Variants in PCDHGC3 observed in about 807,000 individuals in gnomAD.
The protein encoded by PCDHGC3 is protocadherin gamma-C3.
Under a neutral mutation model 59.2 loss-of-function variants are expected in PCDHGC3, and 26 were observed. That is an observed-to-expected ratio of 0.44 (90% CI 0.32 to 0.61). The LOEUF is 0.61. PCDHGC3 is among the 20% of genes least tolerant of loss of function. The pLI is 0.05. For synonymous variants in PCDHGC3, 487 were observed against 519.7 expected (o/e 0.94, Z 0.86); for missense variants, 1,080 against 1,221.8 (o/e 0.88, Z 1.73).
Position 141,485,119 on chromosome 5 carries a change from C to A in PCDHGC3, c.2430+6573C>A. 3.0e-6 allele frequency: 4 copies of A among 1,328,812 alleles called. No homozygotes were observed. Among genetic ancestry groups the A allele is most frequent in the Non-Finnish European group, 4.3e-6 (4 of 935,940 alleles). The allele number at this position is 1,328,812 out of a possible 1,614,324, so 82.3% of individuals were successfully genotyped here. ...CTCCAGCTGCTGTGGCTGTTTGGGG[C>A]GGGTCGGCTTCATCCGCGTCTCAGG... On this transcript the variant is annotated intron_variant, in intron 1 of 3. Transcript: ENST00000308177. This position sits in a 1 kb window ranked among gnomAD's most constrained non-coding sequence, Gnocchi z 5.7.
intron 1 of PCDHGC3, among the ~76,000 whole-genome samples, chr5:141,479,846 C>A (rs1350909064): frequency 1.3e-5 from 2 of 152,194 alleles, no homozygotes; most frequent in Admixed American, 6.5e-5. Context: ...TGCAAGGTGA[C>A]TGCAAGGCCT....
chr5:141,481,026 C>T (rs1315533254), intron 1 of PCDHGC3, among the ~76,000 whole-genome samples: 1 of 152,100 alleles, frequency 6.6e-6, no homozygotes, highest in African/African-American at 2.4e-5. Flanking sequence ...CCACTGCACT[C>T]CAGCCTGGGC....
intron 3 of PCDHGC3, among the ~76,000 whole-genome samples, chr5:141,506,363 C>T (rs1013247178): frequency 4.0e-5 from 6 of 150,792 alleles, no homozygotes; most frequent in South Asian, 4.2e-4. Context: ...GCAGGAGAAT[C>T]GCTTGAACCT....
At position 141,476,105 on chromosome 5, in the gene PCDHGC3, C is replaced by T; in HGVS notation, c.-12C>T. ...ATCTGGACCCCGCTGAGAGGAACTG[C>T]TTTTGAGTGAGATGGTCCCAGAGGC... On this transcript the variant is annotated 5_prime_UTR_variant, in exon 1 of 4. Coordinates refer to ENST00000308177, the MANE Select transcript of PCDHGC3 (RefSeq NM_002588.4). This position sits in a 1 kb window ranked among gnomAD's most constrained non-coding sequence, Gnocchi z 7.6. 2.5e-6 allele frequency: 4 copies of T among 1,585,450 alleles called. No homozygotes were observed. The highest frequency in any genetic ancestry group is 3.4e-6 in the Non-Finnish European group (4 of 1,168,874).
rs2099413746 is a variant in PCDHGC3, at chr5:141,477,589, G to A, written c.1473G>A (p.Arg491=). ...ACCCCGACGCCCCGCAGAATGCTCGGCTTTCTTTCTTTCTCTTGGAGCAAG... is the reference window on the plus strand; with the variant it reads ...ACCCCGACGCCCCGCAGAATGCTCGACTTTCTTTCTTTCTCTTGGAGCAAG... ...VWDPDAPQNA[R]LSFFLLEQGA... is the part of the protein sequence containing the mutation. Residue 491 remains arginine (R), a synonymous_variant, in exon 1 of 4, where the codon CGG becomes CGA. Transcript: ENST00000308177. The surrounding 1 kb of genome is among the most constrained non-coding windows in gnomAD (Gnocchi z 4.9). 1 of 1,614,012 alleles carries A rather than the reference G, an allele frequency of 6.2e-7. No individual in the cohort carries two copies. The highest frequency in any genetic ancestry group is 1.1e-5 in the South Asian group (1 of 91,090).
chr5:141,479,676 G>A (rs2099503035), intron 1 of PCDHGC3: 1 of 152,242 alleles, frequency 6.6e-6, no homozygotes, highest in African/African-American at 2.4e-5. Context: ...CAAAAGGAGA[G>A]TCTTTTTGGT....
chr5:141,508,045 T>A (rs985875804), intron 3 of PCDHGC3: 1 of 152,264 alleles, frequency 6.6e-6, no homozygotes, highest in Non-Finnish European at 1.5e-5. Flanking sequence ...GCCAGCTGTG[T>A]TCCAGCTAAT....
At position 141,487,051 on chromosome 5, in the gene PCDHGC3, G is replaced by A. The variant is rs1348441475; in HGVS notation, c.2431-7756G>A. The A allele has an allele frequency of 3.7e-6, 6 of 1,614,024 alleles. No individual in the cohort carries two copies. The highest frequency in any genetic ancestry group is 5.1e-6 in the Non-Finnish European group (6 of 1,180,024). On this transcript the variant is annotated intron_variant, in intron 1 of 3. Coordinates refer to ENST00000308177, the MANE Select transcript of PCDHGC3 (RefSeq NM_002588.4). This position sits in a 1 kb window ranked among gnomAD's most constrained non-coding sequence, Gnocchi z 5.0. ...TGTTTGCAGTCTCTCGATATGCTGG[G>A]GAGGTGCGGACGGCTGTTCCTATCC... is the stretch of plus-strand genomic sequence containing the variant.
chr5:141,485,444 G>A lies in PCDHGC3; in HGVS notation c.2430+6898G>A. 1 of 1,614,110 alleles carries A rather than the reference G, an allele frequency of 6.2e-7. No individual in the cohort carries two copies. Among genetic ancestry groups the A allele is most frequent in the Non-Finnish European group, 8.5e-7 (1 of 1,180,020 alleles). On this transcript the variant is annotated intron_variant, in intron 1 of 3. Coordinates refer to ENST00000308177, the MANE Select transcript of PCDHGC3 (RefSeq NM_002588.4). This position sits in a 1 kb window ranked among gnomAD's most constrained non-coding sequence, Gnocchi z 5.7. ...AGCCCTGCTCATCAAGAACCCAATC[G>A]ACCGAGAGGCACTGTGTGGGCTCAG...
At chr5:141,506,923 C>T (rs1414595306) in intron 3 of PCDHGC3, among the ~76,000 whole-genome samples, 4 of 152,184 alleles carry the variant, frequency 2.6e-5, no homozygotes, top group African/African-American at 9.7e-5. Context: ...ACATACTAAA[C>T]AAACTTTAGG....
At chr5:141,497,101 G>A (rs1465038195) in intron 2 of PCDHGC3, among the ~76,000 whole-genome samples, 1 of 152,042 alleles carries the variant, frequency 6.6e-6, no homozygotes, top group African/African-American at 2.4e-5. Flanking sequence ...AGGCAGAACT[G>A]CTTGAACCCG....
In PCDHGC3 at chr5:141,477,533, G is replaced by C. The variant is rs780541121; in HGVS notation, c.1417G>C (p.Gly473Arg). Residue 473 changes from glycine to arginine, a missense_variant, in exon 1 of 4, where the codon GGG becomes CGG. Transcript: ENST00000308177. This position sits in a 1 kb window ranked among gnomAD's most constrained non-coding sequence, Gnocchi z 4.9. ...TTACATTGAAGAAAACAACCTCCCC[G>C]GGGCTCCAATACTAAACCTAAGTGT... Reference protein sequence around the residue: ...DVYIEENNLPGAPILNLSVWD... With the variant: ...DVYIEENNLPRAPILNLSVWD... The C allele has an allele frequency of 6.2e-7, 1 of 1,613,892 alleles. No individual in the cohort carries two copies. The highest frequency in any genetic ancestry group is 1.3e-5 in the African/African-American group (1 of 74,852).
intron 3 of PCDHGC3, among the ~76,000 whole-genome samples, chr5:141,507,571 G>A (rs2099861692): frequency 6.6e-6 from 1 of 152,254 alleles, no homozygotes; most frequent in Non-Finnish European, 1.5e-5. Flanking sequence ...TGGGTCTGAG[G>A]AGATGCCAAG....
At chr5:141,480,298 C>T (rs1238380283) in intron 1 of PCDHGC3, among the ~76,000 whole-genome samples, 1 of 132,676 alleles carries the variant, frequency 7.5e-6, no homozygotes, top group Non-Finnish European at 1.6e-5. Flanking sequence ...ACCTGTGGTA[C>T]CAGCTACTTG....
At position 141,485,930 on chromosome 5, in the gene PCDHGC3, G is replaced by C; in HGVS notation, c.2430+7384G>C. ...ATCCAGCTACAGGATTAGTGTGTTGGAGAGCGCACCAGCGGGCATGGTGCT... is the reference window on the plus strand; with the variant it reads ...ATCCAGCTACAGGATTAGTGTGTTGCAGAGCGCACCAGCGGGCATGGTGCT... On this transcript the variant is annotated intron_variant, in intron 1 of 3. Coordinates refer to ENST00000308177, the MANE Select transcript of PCDHGC3 (RefSeq NM_002588.4). The surrounding 1 kb of genome is among the most constrained non-coding windows in gnomAD (Gnocchi z 5.7). 6.2e-7 allele frequency: 1 copy of C among 1,614,178 alleles called. No homozygotes were observed. The highest frequency in any genetic ancestry group is 8.5e-7 in the Non-Finnish European group (1 of 1,180,042).
chr5:141,489,477 G>C lies in PCDHGC3; in HGVS notation c.2431-5330G>C, dbSNP rs2154581232. 1.9e-6 allele frequency: 3 copies of C among 1,614,108 alleles called. No homozygotes were observed. Among genetic ancestry groups the C allele is most frequent in the Non-Finnish European group, 2.5e-6 (3 of 1,180,034 alleles). ...ATGGGCGCTATTTTTCCCTGAGCTT[G>C]ATGAGTGGTGCCCTGGCAGTGAATC... is the stretch of plus-strand genomic sequence containing the variant. On this transcript the variant is annotated intron_variant, in intron 1 of 3. Coordinates refer to ENST00000308177, the MANE Select transcript of PCDHGC3 (RefSeq NM_002588.4). This position sits in a 1 kb window ranked among gnomAD's most constrained non-coding sequence, Gnocchi z 4.5.
intron 1 of PCDHGC3, among the ~76,000 whole-genome samples, chr5:141,483,208 G>A (rs1195144442): frequency 6.6e-6 from 1 of 152,196 alleles, no homozygotes; most frequent in East Asian, 1.9e-4. Context: ...ATTCCATATA[G>A]ATGACAGTCA....
chr5:141,487,403 C>T lies in PCDHGC3; in HGVS notation c.2431-7404C>T. 1 of 1,614,140 alleles carries T rather than the reference C, an allele frequency of 6.2e-7. No homozygotes were observed. Among genetic ancestry groups the T allele is most frequent in the South Asian group, 1.1e-5 (1 of 91,082 alleles). ...CAGATCTCGAAGGAGGGAGGGGCTTCCCCCTTCCAATGGGATCCTCCGAAT... is the reference window on the plus strand; with the variant it reads ...CAGATCTCGAAGGAGGGAGGGGCTTTCCCCTTCCAATGGGATCCTCCGAAT... On this transcript the variant is annotated intron_variant, in intron 1 of 3. Coordinates refer to ENST00000308177, the MANE Select transcript of PCDHGC3 (RefSeq NM_002588.4). The surrounding 1 kb of genome is among the most constrained non-coding windows in gnomAD (Gnocchi z 5.0).
At chr5:141,504,709 C>G (rs11743102) in intron 2 of PCDHGC3, among the ~76,000 whole-genome samples, 29,287 of 151,306 alleles carry the variant, frequency 0.19, 2,876 homozygotes, top group Middle Eastern at 0.24. Context: ...CTTCTATGGC[C>G]GTGGATTTTA....
Sources: allele counts gnomAD v4.1 joint callset (sites outside exome capture counted in the v4.1 genomes callset), GRCh38; gene constraint gnomAD v4.1.1; non-coding constraint Gnocchi (gnomAD v3.1); transcripts MANE v1.5; gene names NCBI Gene and HGNC (gene_info 2026-07-23, HGNC 2026-07-21).